The following SEMA3E variants were observed in gnomAD, a reference collection of about 807,000 sequenced individuals.
SEMA3E encodes semaphorin-3E.
A neutral mutation model predicts 93.6 loss-of-function variants in SEMA3E; 49 were observed. That is an observed-to-expected ratio of 0.52 (90% CI 0.42 to 0.66). SEMA3E has a LOEUF of 0.66. SEMA3E is among the 30% of genes least tolerant of loss of function. SEMA3E has a pLI of 0.00. For missense variants in SEMA3E, 906 were observed against 964.8 expected (o/e 0.94, Z 0.81); for synonymous variants, 363 against 330.7 (o/e 1.10, Z -1.06).
chr7:83,648,728 C>A lies in SEMA3E; in HGVS notation c.-186G>T. The A allele has an allele frequency of 1.5e-6, 1 of 654,174 alleles. No homozygotes were observed. Among genetic ancestry groups the A allele is most frequent in the South Asian group, 1.7e-5 (1 of 59,532 alleles). The allele number at this position is 654,174 out of a possible 1,614,324, so 40.5% of individuals were successfully genotyped here. A position where few individuals can be genotyped will look rare whatever the true frequency, so the allele number is the denominator to read the frequency against. On this transcript the variant is annotated 5_prime_UTR_variant, in exon 1 of 17. It adds an upstream start codon to the 5' untranslated region. Coordinates refer to ENST00000643230, the MANE Select transcript of SEMA3E (RefSeq NM_012431.3). ...TTTGGCTATGTAAAACCTTTCTTTCCTCGGGACAGTTGTTTATAAGCCGGG... is the reference window on the plus strand; with the variant it reads ...TTTGGCTATGTAAAACCTTTCTTTCATCGGGACAGTTGTTTATAAGCCGGG...
chr7:83,396,574 C>G (rs958331140), intron 12 of SEMA3E, 64 bp downstream of exon 12: 10 of 970,232 alleles, frequency 1.0e-5, no homozygotes, highest in Non-Finnish European at 1.6e-5. Flanking sequence ...TAGTATCTTT[C>G]CTATTTACAT....
intron 7 of SEMA3E, among the ~76,000 whole-genome samples, 165 bp from the exon 8 acceptor site, chr7:83,406,224 T>C (rs1238193063): frequency 1.3e-5 from 2 of 152,048 alleles, no homozygotes; most frequent in Non-Finnish European, 2.9e-5. Flanking sequence ...CCCCATAATT[T>C]GGATTTTTAT....
intron 11 of SEMA3E, among the ~76,000 whole-genome samples, chr7:83,398,180 C>T (rs1788162517): frequency 6.6e-6 from 1 of 152,038 alleles, no homozygotes; most frequent in Admixed American, 6.6e-5. Context: ...TATGGCAGCA[C>T]AAATATATGC....
rs2115964526 is a variant in SEMA3E, at chr7:83,486,965, C to A, written c.276+3149G>T. On this transcript the variant is annotated intron_variant, in intron 2 of 16. Transcript: ENST00000643230. The stretch of plus-strand genomic sequence containing the variant: ...ATAGCTACTTTCCTTGACATCCTGG[C>A]TAGATGGCACCCTGAAGCTCAATGG... Among the ~76,000 whole-genome samples, 3 of 152,222 alleles carry A rather than the reference C, an allele frequency of 2.0e-5. No homozygotes were observed. The Middle Eastern group carries it at 0.01, about 518-fold the overall frequency.
intron 1 of SEMA3E, among the ~76,000 whole-genome samples, chr7:83,578,487 C>T (rs997456447): frequency 3.9e-5 from 6 of 151,906 alleles, no homozygotes; most frequent in South Asian, 4.2e-4. Context: ...ACTCAGGAGG[C>T]GGAGGTTGCA....
At chr7:83,630,044 T>C (rs929231272) in intron 1 of SEMA3E, among the ~76,000 whole-genome samples, 4 of 152,078 alleles carry the variant, frequency 2.6e-5, no homozygotes, top group Non-Finnish European at 5.9e-5. Context: ...GGGGAGGGTG[T>C]TCCCCAACCC....
In SEMA3E at chr7:83,618,776, C is replaced by T. The variant is rs138746906; in HGVS notation, c.115+29652G>A. On this transcript the variant is annotated intron_variant, in intron 1 of 16. Coordinates refer to ENST00000643230, the MANE Select transcript of SEMA3E (RefSeq NM_012431.3). ...ATATGCTGCTGCCCAAAGATAAATA[C>T]AATAAAATACAATAAAATTGGGGCT... 5.0e-4 allele frequency among the ~76,000 whole-genome samples: 76 copies of T among 151,868 alleles called. 2 individuals carry two copies. In the East Asian group the frequency reaches 0.014, roughly 27 times the overall value.
At chr7:83,601,072 A>G (rs1209787481) in intron 1 of SEMA3E, among the ~76,000 whole-genome samples, 1 of 152,132 alleles carries the variant, frequency 6.6e-6, no homozygotes, top group Admixed American at 6.5e-5. Context: ...AGATGTGATG[A>G]CGAAAGCAGA....
intron 12 of SEMA3E, among the ~76,000 whole-genome samples, chr7:83,395,293 AG>A (rs1282538578): frequency 6.6e-6 from 1 of 152,134 alleles, no homozygotes; most frequent in Non-Finnish European, 1.5e-5. Flanking sequence ...GATAGTGGTT[AG>A]CTTTGAGTGT....
At chr7:83,567,414 G>A (rs943023986) in intron 1 of SEMA3E, among the ~76,000 whole-genome samples, 5 of 151,974 alleles carry the variant, frequency 3.3e-5, no homozygotes, top group African/African-American at 4.8e-5. Flanking sequence ...GAACCAAACC[G>A]ACATTCACAG....
At position 83,496,174 on chromosome 7, in the gene SEMA3E, T is replaced by C. The variant is rs1790487412; in HGVS notation, c.116-5900A>G. Among the ~76,000 whole-genome samples, 3 of 151,974 alleles carry C rather than the reference T, an allele frequency of 2.0e-5. No individual in the cohort carries two copies. The South Asian group carries it at 6.2e-4, about 31-fold the overall frequency. On this transcript the variant is annotated intron_variant, in intron 1 of 16. Coordinates refer to ENST00000643230, the MANE Select transcript of SEMA3E (RefSeq NM_012431.3). ...GAGATTCAGTACAGAGCTAAGGTTA[T>C]TTGGTCAGTGTTGGTGACAAAATTT...
intron 16 of SEMA3E, among the ~76,000 whole-genome samples, chr7:83,370,716 C>T (rs1794738424): frequency 6.6e-6 from 1 of 152,086 alleles, no homozygotes; most frequent in South Asian, 2.1e-4. Context: ...GTAAAAGTGT[C>T]CTCCCTCCTT....
intron 4 of SEMA3E, among the ~76,000 whole-genome samples, chr7:83,439,214 T>C (rs1458418984): frequency 6.6e-6 from 1 of 152,182 alleles, no homozygotes; most frequent in African/African-American, 2.4e-5. Context: ...GACTGAGTCA[T>C]ACTTGATCAC....
chr7:83,488,508 C>A (rs181895420), intron 2 of SEMA3E, among the ~76,000 whole-genome samples: 1 of 152,080 alleles, frequency 6.6e-6, no homozygotes. Context: ...AACAATGGAG[C>A]GGTATCCTCA....
intron 1 of SEMA3E, among the ~76,000 whole-genome samples, chr7:83,565,340 C>T (rs1278812161): frequency 6.6e-6 from 1 of 151,946 alleles, no homozygotes; most frequent in African/African-American, 2.4e-5. Context: ...AGGAGTTGAA[C>T]AATGAGAACA....
chr7:83,401,644 G>A (rs1788236142), intron 10 of SEMA3E, among the ~76,000 whole-genome samples: 1 of 152,042 alleles, frequency 6.6e-6, no homozygotes, highest in Non-Finnish European at 1.5e-5. Context: ...ATAATTTTAA[G>A]CTAGTGAGAG....
chr7:83,629,009 C>T (rs1793730381), intron 1 of SEMA3E, among the ~76,000 whole-genome samples: 1 of 152,030 alleles, frequency 6.6e-6, no homozygotes, highest in South Asian at 2.1e-4. Context: ...GCTATTGCTT[C>T]CTGCTTGGGA....
rs936038599 is a variant in SEMA3E, at chr7:83,363,950, A to C, written c.*3636T>G. ...TCGCCCAGGCCGGACTGCGGACTGC[A>C]GTGGCGCAATCTCGGCTCACTGCAA... On this transcript the variant is annotated 3_prime_UTR_variant, in exon 17 of 17. Coordinates refer to ENST00000643230, the MANE Select transcript of SEMA3E (RefSeq NM_012431.3). The C allele has an allele frequency of 8.2e-6, 1 of 122,356 alleles. No individual in the cohort carries two copies. Among genetic ancestry groups the C allele is most frequent in the Admixed American group, 1.1e-4 (1 of 9,086 alleles). The allele number at this position is 122,356 out of a possible 1,614,324, so 7.6% of individuals were successfully genotyped here.
rs1230002418 is a variant in SEMA3E, at chr7:83,367,653, G to C, written c.2261C>G (p.Pro754Arg). The C allele has an allele frequency of 1.2e-6, 2 of 1,613,992 alleles. No homozygotes were observed. Among genetic ancestry groups the C allele is most frequent in the Admixed American group, 3.3e-5 (2 of 59,992 alleles). The change falls in exon 17 of 17, where the codon CCT becomes CGT. Residue 754 changes from proline (P) to arginine (R), a missense_variant. Physicochemically the swap from Pro to Arg is moderately radical, Grantham distance 103 (BLOSUM62 -2). Coordinates refer to ENST00000643230, the MANE Select transcript of SEMA3E (RefSeq NM_012431.3). ...MSPSKWKYAN[P>R]QEKKLRSKPE... is the part of the protein sequence containing the mutation. ...TTTGGAACGGAGCTTCTTTTCCTGA[G>C]GGTTGGCATACTTCCACTTGGAGGG...
Sources: gnomAD v4.1 joint callset for allele counts (sites outside exome capture counted in the v4.1 genomes callset) on GRCh38, gnomAD v4.1.1 for gene constraint, MANE v1.5 for transcripts, NCBI Gene and HGNC (gene_info 2026-07-23, HGNC 2026-07-21) for gene names.